Variants in MIPEP observed in about 807,000 individuals in gnomAD.
MIPEP encodes the protein mitochondrial intermediate peptidase.
MIPEP carries 79 observed loss-of-function variants against 90.3 expected under a neutral mutation model. The observed-to-expected ratio is 0.87, with a 90% confidence interval of 0.73 to 1.05. The LOEUF is 1.05. Among genes scored for constraint, MIPEP ranks in the 50% least tolerant of loss-of-function variants. The pLI is 0.00. For synonymous variants in MIPEP, 334 were observed against 315.8 expected, an observed-to-expected ratio of 1.06 and a Z score of -0.61; for missense variants, 940 against 905.6, an observed-to-expected ratio of 1.04 and a Z score of -0.49.
chr13:23,806,123 T>C, intron 15 of MIPEP, 54 bp from the exon 16 acceptor site: 5 of 1,599,622 alleles, frequency 3.1e-6, no homozygotes, highest in Non-Finnish European at 4.3e-6. Flanking sequence ...CACATCAAGA[T>C]GTGGTTGACC....
chr13:23,824,970 A>AT lies in MIPEP; in HGVS notation c.1653+11269dup, dbSNP rs201404873. Among the ~76,000 whole-genome samples the AT allele has an allele frequency of 8.7e-3, 1,326 of 152,218 alleles. 18 individuals are homozygous for AT. Among genetic ancestry groups the AT allele is most frequent in the African/African-American group, 0.031 (1,282 of 41,536 alleles). On this transcript the variant is annotated intron_variant, in intron 14 of 18. Transcript: ENST00000382172. ...AATGTGTGATAGGGATCCAACTTCC[A>AT]TTTTTTCTAAAAATATTCCAATAAT... is the stretch of plus-strand genomic sequence containing the variant.
chr13:23,836,371 A>AG, intron 13 of MIPEP, 22 bp from the exon 14 acceptor site: 11 of 1,415,006 alleles, frequency 7.8e-6, no homozygotes, highest in Non-Finnish European at 1.1e-5. Context: ...AAAAAAAAAA[A>AG]GTTGGCATGA....
chr13:23,825,578 C>G (rs1868412118), intron 14 of MIPEP, among the ~76,000 whole-genome samples: 1 of 152,052 alleles, frequency 6.6e-6, no homozygotes, highest in Admixed American at 6.6e-5. Flanking sequence ...GAAGTTTAGG[C>G]GATACATATT....
chr13:23,884,221 G>A (rs894475484), intron 2 of MIPEP, among the ~76,000 whole-genome samples: 1 of 147,648 alleles, frequency 6.8e-6, no homozygotes, highest in African/African-American at 2.6e-5. Context: ...TTAGTGGGGA[G>A]GGGGGGGTGT....
Position 23,889,336 on chromosome 13 carries a change from G to T in MIPEP, c.-16C>A. 1 of 1,313,376 alleles carries T rather than the reference G, an allele frequency of 7.6e-7. No individual in the cohort carries two copies. The highest frequency in any genetic ancestry group is 9.7e-7 in the Non-Finnish European group (1 of 1,030,270). 81.4% of individuals were successfully genotyped at this position (1,313,376 alleles called of 1,614,324 possible). A position where few individuals can be genotyped will look rare whatever the true frequency, so the allele number is the denominator to read the frequency against. On this transcript the variant is annotated 5_prime_UTR_variant, in exon 1 of 19. The change creates a new upstream start codon in the 5' untranslated region. Transcript: ENST00000382172. ...CGCACAGCATTCTAGCACCAGAGCAGTCCCTTCCTCCAACGCAGATCCCTG... is the reference window on the plus strand; with the variant it reads ...CGCACAGCATTCTAGCACCAGAGCATTCCCTTCCTCCAACGCAGATCCCTG...
chr13:23,861,683 G>A (rs145350978), intron 9 of MIPEP, among the ~76,000 whole-genome samples: 2 of 152,158 alleles, frequency 1.3e-5, no homozygotes, highest in East Asian at 3.9e-4. Context: ...ATCCTGTAGT[G>A]CCCTAGAACC....
chr13:23,869,402 T>C lies in MIPEP; in HGVS notation c.833A>G (p.Gln278Arg), dbSNP rs879168522. The C allele has an allele frequency of 6.2e-7, 1 of 1,611,922 alleles. No individual in the cohort carries two copies. The highest frequency in any genetic ancestry group is 1.7e-5 in the Admixed American group (1 of 59,284). The change falls in exon 7 of 19, where the codon CAA (glutamine) becomes CGA (arginine). Residue 278 changes from glutamine (Q) to arginine (R), a missense_variant. Physicochemically the swap from Gln to Arg is conservative, Grantham distance 43. Transcript: ENST00000382172. ...GAGCAATTCTTCTAAACATTTCAAT[T>C]GACCAGCATTGGGATAAAGAAAAAT... ...YKIFLYPNAG[Q>R]LKCLEELLSS...
intron 9 of MIPEP, among the ~76,000 whole-genome samples, chr13:23,859,710 C>T (rs902384564): frequency 1.2e-4 from 19 of 152,322 alleles, no homozygotes; most frequent in African/African-American, 4.3e-4. Flanking sequence ...AAAGAATCAA[C>T]AGTACCTCCC....
intron 4 of MIPEP, 39 bp from the exon 5 acceptor site, chr13:23,874,948 A>T (rs758679604): frequency 1.3e-6 from 2 of 1,540,436 alleles, no homozygotes; most frequent in Admixed American, 4.7e-5. Flanking sequence ...ACAGGTAATA[A>T]AAATTGCTAA....
intron 17 of MIPEP, among the ~76,000 whole-genome samples, chr13:23,757,387 G>T (rs1453493018): frequency 1.3e-5 from 2 of 152,166 alleles, no homozygotes; most frequent in African/African-American, 4.8e-5. Flanking sequence ...GTGTGGCCCA[G>T]TTCCCAGTAC....
At chr13:23,816,899 G>A (rs1953246079) in intron 14 of MIPEP, among the ~76,000 whole-genome samples, 1 of 152,072 alleles carries the variant, frequency 6.6e-6, no homozygotes, top group African/African-American at 2.4e-5. Context: ...GTCCACACTG[G>A]GACTCTAACA....
At chr13:23,790,945 C>T (rs140947759) in intron 16 of MIPEP, among the ~76,000 whole-genome samples, 63 of 152,250 alleles carry the variant, frequency 4.1e-4, no homozygotes, top group Non-Finnish European at 7.1e-4. Flanking sequence ...CTAGGCCTTG[C>T]CATTACTGTA....
chr13:23,852,944 A>C (rs1173964543), intron 10 of MIPEP, among the ~76,000 whole-genome samples: 1 of 152,206 alleles, frequency 6.6e-6, no homozygotes, highest in African/African-American at 2.4e-5. Context: ...ATAACAAAAA[A>C]ATTTAAAAAG....
At chr13:23,771,828 G>A (rs1952655061) in intron 16 of MIPEP, among the ~76,000 whole-genome samples, 1 of 152,040 alleles carries the variant, frequency 6.6e-6, no homozygotes, top group South Asian at 2.1e-4. Flanking sequence ...AATAATTGCT[G>A]CTCCCCAAAC....
chr13:23,781,057 G>A lies in MIPEP; in HGVS notation c.1849-20840C>T, dbSNP rs987700647. Reference sequence around the variant, plus strand: ...AGGATATTATCCAGGAGAACTTCCCGAACTTAGCAAGGCAGGCCAACATTC... The same window carrying A: ...AGGATATTATCCAGGAGAACTTCCCAAACTTAGCAAGGCAGGCCAACATTC... On this transcript the variant is annotated intron_variant, in intron 16 of 18. Transcript: ENST00000382172. Among the ~76,000 whole-genome samples the A allele has an allele frequency of 2.6e-5, 4 of 152,254 alleles. No individual in the cohort carries two copies. The South Asian group carries it at 6.2e-4, about 24-fold the overall frequency.
At chr13:23,798,025 A>G (rs775802359) in intron 16 of MIPEP, among the ~76,000 whole-genome samples, 3 of 152,248 alleles carry the variant, frequency 2.0e-5, no homozygotes, top group Non-Finnish European at 4.4e-5. Flanking sequence ...GGTCTACTTT[A>G]TTTACTGTTA....
chr13:23,873,807 C>T (rs1387875411), intron 5 of MIPEP, among the ~76,000 whole-genome samples: 1 of 152,130 alleles, frequency 6.6e-6, no homozygotes, highest in East Asian at 1.9e-4. Context: ...AAGCGGCAAA[C>T]GTGGTCACCT....
intron 14 of MIPEP, among the ~76,000 whole-genome samples, chr13:23,815,423 C>A (rs552275508): frequency 1.2e-4 from 18 of 151,952 alleles, no homozygotes; most frequent in South Asian, 8.3e-4. Context: ...TCAAGTGATA[C>A]CTCCCACCTC....
At chr13:23,857,919 A>G (rs2137494738) in intron 10 of MIPEP, among the ~76,000 whole-genome samples, 1 of 152,346 alleles carries the variant, frequency 6.6e-6, no homozygotes, top group Non-Finnish European at 1.5e-5. Flanking sequence ...TAATAAAAAT[A>G]TTTTAAAGCT....
Sources: allele counts gnomAD v4.1 joint callset (sites outside exome capture counted in the v4.1 genomes callset), GRCh38; gene constraint gnomAD v4.1.1; transcripts MANE v1.5; gene names NCBI Gene and HGNC (gene_info 2026-07-23, HGNC 2026-07-21).